Variants in RBFOX1 observed in about 807,000 individuals in gnomAD.
RBFOX1 encodes the protein RNA binding fox-1 homolog 1.
Under a neutral mutation model 57.7 loss-of-function variants are expected in RBFOX1, and 8 were observed. That is an observed-to-expected ratio of 0.14 (90% confidence interval 0.08 to 0.25). The LOEUF (loss-of-function observed/expected upper bound fraction) is 0.25. RBFOX1 is among the 10% of genes least tolerant of loss of function. The pLI is 1.00. For missense variants in RBFOX1, 611 were observed against 548.5 expected (o/e 1.11, Z -1.14); for synonymous variants, 326 against 222.4 (o/e 1.47, Z -4.15).
intron 1 of RBFOX1, among the ~76,000 whole-genome samples, chr16:6,091,832 A>G (rs115933337): frequency 0.015 from 2,358 of 152,296 alleles, 43 homozygotes; most frequent in African/African-American, 0.042. Context: ...CTCTGTCTCA[A>G]AAAAACAAAA....
At chr16:5,948,013 T>C (rs1275775074) in intron 4 of RBFOX1, among the ~76,000 whole-genome samples, 2 of 152,234 alleles carry the variant, frequency 1.3e-5, no homozygotes, top group South Asian at 2.1e-4. Context: ...TACATTTTCA[T>C]GGCAGGAACT....
At chr16:6,221,971 A>G (rs1301299503) in intron 1 of RBFOX1, among the ~76,000 whole-genome samples, 4 of 152,150 alleles carry the variant, frequency 2.6e-5, no homozygotes, top group Non-Finnish European at 4.4e-5. Flanking sequence ...TTTAGTCCCT[A>G]TCATAAGGGA....
chr16:6,212,632 G>A (rs536044756), intron 1 of RBFOX1, among the ~76,000 whole-genome samples: 6 of 152,090 alleles, frequency 3.9e-5, no homozygotes, highest in African/African-American at 9.7e-5. Context: ...GCGTGAACCC[G>A]GGAGGTGGAG....
chr16:6,931,195 T>C (rs1340911132), intron 3 of RBFOX1, among the ~76,000 whole-genome samples: 1 of 151,242 alleles, frequency 6.6e-6, no homozygotes, highest in African/African-American at 2.4e-5. Context: ...AGATATGGCA[T>C]AATATTTTTA....
intron 1 of RBFOX1, among the ~76,000 whole-genome samples, chr16:6,253,187 C>G (rs1352247054): frequency 6.6e-6 from 1 of 152,152 alleles, no homozygotes; most frequent in Non-Finnish European, 1.5e-5. Flanking sequence ...ACTCCAAATT[C>G]TATTTCTCCT....
At chr16:5,399,115 A>T (rs771227018) in intron 1 of RBFOX1, among the ~76,000 whole-genome samples, 4 of 152,182 alleles carry the variant, frequency 2.6e-5, no homozygotes, top group African/African-American at 7.2e-5. Context: ...TTCTCAGAGG[A>T]CTAATAGGTA....
At chr16:7,578,979 A>T (rs771718469) in intron 5 of RBFOX1, among the ~76,000 whole-genome samples, 8 of 152,200 alleles carry the variant, frequency 5.3e-5, no homozygotes, top group Non-Finnish European at 8.8e-5. Flanking sequence ...ATGATGTTAC[A>T]TGGTCTAGGC....
At chr16:7,231,593 C>T (rs35677050) in intron 4 of RBFOX1, among the ~76,000 whole-genome samples, 77 of 152,292 alleles carry the variant, frequency 5.1e-4, no homozygotes, top group Admixed American at 9.2e-4. Flanking sequence ...TACACAAATG[C>T]TTATAACATC....
chr16:6,779,177 C>T (rs955218293), intron 3 of RBFOX1, among the ~76,000 whole-genome samples: 5 of 151,962 alleles, frequency 3.3e-5, no homozygotes, highest in African/African-American at 1.2e-4. Flanking sequence ...CTCTCAACTC[C>T]CCTTCCTTGC....
At chr16:6,384,684 T>C (rs2092117852) in intron 2 of RBFOX1, among the ~76,000 whole-genome samples, 2 of 152,232 alleles carry the variant, frequency 1.3e-5, no homozygotes, top group African/African-American at 4.8e-5. Context: ...CCAGGCCTCT[T>C]TGTAAATGTG....
At chr16:7,297,065 C>T (rs1056487243) in intron 4 of RBFOX1, among the ~76,000 whole-genome samples, 1 of 152,118 alleles carries the variant, frequency 6.6e-6, no homozygotes, top group African/African-American at 2.4e-5. Flanking sequence ...AGTCAGTAGC[C>T]AGTGAGACGA....
chr16:5,729,860 T>C (rs993060667), intron 3 of RBFOX1, among the ~76,000 whole-genome samples: 2 of 152,160 alleles, frequency 1.3e-5, no homozygotes, highest in Non-Finnish European at 2.9e-5. Flanking sequence ...CTTGGCTATT[T>C]TGAGGGAGGC....
chr16:5,955,914 T>G (rs943963490), intron 4 of RBFOX1, among the ~76,000 whole-genome samples: 1 of 152,154 alleles, frequency 6.6e-6, no homozygotes, highest in Non-Finnish European at 1.5e-5. Flanking sequence ...CACTTAAAAA[T>G]GTGATAATAC....
At chr16:6,431,728 C>T (rs751774580) in intron 2 of RBFOX1, among the ~76,000 whole-genome samples, 1 of 152,052 alleles carries the variant, frequency 6.6e-6, no homozygotes, top group African/African-American at 2.4e-5. Flanking sequence ...CAATGGGGTG[C>T]TCCTGTAGTC....
chr16:6,052,832 A>T (rs375560818), intron 1 of RBFOX1, among the ~76,000 whole-genome samples: 4 of 137,474 alleles, frequency 2.9e-5, no homozygotes, highest in African/African-American at 1.0e-4. Context: ...AATAATAATA[A>T]TAATATTAAT....
In RBFOX1 at chr16:5,913,453, G is replaced by C. The variant is rs146676130; in HGVS notation, c.351+46118G>C. 1.7e-3 allele frequency among the ~76,000 whole-genome samples: 266 copies of C among 152,280 alleles called. 1 individual carries two copies. The highest frequency in any genetic ancestry group is 6.1e-3 in the African/African-American group (253 of 41,540). On this transcript the variant is annotated intron_variant, in intron 4 of 19. Transcript: ENST00000641259. ...TCCCCACAGTAATGAGCTCAAGTCA[G>C]AGCTGGCTGTTTAAAAGAGCCTGGT... is the stretch of plus-strand genomic sequence containing the variant.
chr16:5,848,986 A>C (rs77259360), intron 3 of RBFOX1, among the ~76,000 whole-genome samples: 5,931 of 151,640 alleles, frequency 0.039, 239 homozygotes, highest in East Asian at 0.23. Context: ...ACAAAAAAAA[A>C]CAGAAAAGTA....
At chr16:5,782,354 AG>A (rs890204939) in intron 3 of RBFOX1, among the ~76,000 whole-genome samples, 23 of 152,196 alleles carry the variant, frequency 1.5e-4, no homozygotes, top group Admixed American at 3.3e-4. Context: ...CCTATGATGG[AG>A]GGGACAGAAG....
At chr16:7,085,298 C>T (rs1263038647) in intron 4 of RBFOX1, among the ~76,000 whole-genome samples, 1 of 152,124 alleles carries the variant, frequency 6.6e-6, no homozygotes, top group Non-Finnish European at 1.5e-5. Context: ...CCACTCAGCA[C>T]CGGCTCATGG....
Sources: allele counts gnomAD v4.1 joint callset (sites outside exome capture counted in the v4.1 genomes callset), GRCh38; gene constraint gnomAD v4.1.1; transcripts MANE v1.5; gene names NCBI Gene and HGNC (gene_info 2026-07-23, HGNC 2026-07-21).